CERS5: variants seen among roughly 807,000 people sequenced by gnomAD.
CERS5 encodes the protein ceramide synthase 5.
CERS5 carries 37 observed loss-of-function variants against 58.9 expected under a neutral mutation model. That is an observed-to-expected ratio of 0.63 (90% confidence interval 0.48 to 0.83). The LOEUF (loss-of-function observed/expected upper bound fraction) is 0.83, where lower values mean the gene tolerates loss of function less well. CERS5 is among the 40% of genes least tolerant of loss of function. The pLI, the probability that CERS5 is intolerant of heterozygous loss-of-function variation, is 0.00. For synonymous variants in CERS5, 147 were observed against 177.8 expected (o/e 0.83, Z 1.38); for missense variants, 398 against 489.3 (o/e 0.81, Z 1.76).
intron 8 of CERS5, among the ~76,000 whole-genome samples, chr12:50,134,986 A>C (rs1315819959): frequency 6.6e-6 from 1 of 151,978 alleles, no homozygotes; most frequent in Non-Finnish European, 1.5e-5. Flanking sequence ...TTAGGACAGC[A>C]GTGGGACTCT....
chr12:50,133,016 T>G, intron 9 of CERS5: 10 of 1,287,640 alleles, frequency 7.8e-6, no homozygotes, highest in Non-Finnish European at 1.0e-5. Flanking sequence ...AGGAAGGAGG[T>G]GAGGAAAGAG....
intron 4 of CERS5, among the ~76,000 whole-genome samples, chr12:50,140,677 T>C (rs1951925055): frequency 6.6e-6 from 1 of 152,168 alleles, no homozygotes; most frequent in Admixed American, 6.6e-5. Flanking sequence ...ATTTCAATAT[T>C]TTGAAATTTA....
chr12:50,147,963 A>G (rs1952388649), intron 1 of CERS5, among the ~76,000 whole-genome samples: 1 of 151,806 alleles, frequency 6.6e-6, no homozygotes. Flanking sequence ...TTTTTTTTGT[A>G]GAGACAGGGT....
chr12:50,149,889 T>C (rs1418513360), intron 1 of CERS5, among the ~76,000 whole-genome samples: 1 of 152,106 alleles, frequency 6.6e-6, no homozygotes, highest in Non-Finnish European at 1.5e-5. Context: ...ACTACAGGCG[T>C]GCACCACCAT....
intron 1 of CERS5, among the ~76,000 whole-genome samples, chr12:50,145,737 C>G (rs988025177): frequency 6.6e-6 from 1 of 152,104 alleles, no homozygotes; most frequent in African/African-American, 2.4e-5. Context: ...TACTGGTATA[C>G]TATTCTGTAT....
intron 1 of CERS5, among the ~76,000 whole-genome samples, chr12:50,149,204 A>T (rs994612815): frequency 6.6e-6 from 1 of 152,006 alleles, no homozygotes; most frequent in African/African-American, 2.4e-5. Context: ...CTTCTCCAGG[A>T]TCAATCCACA....
chr12:50,162,156 A>G (rs10783339), intron 1 of CERS5, among the ~76,000 whole-genome samples: 52,950 of 148,606 alleles, frequency 0.36, 10,461 homozygotes, highest in East Asian at 0.76. Context: ...GATTACAGGC[A>G]TGAGCCACCA....
At chr12:50,156,366 T>C (rs1938622670) in intron 1 of CERS5, among the ~76,000 whole-genome samples, 2 of 143,892 alleles carry the variant, frequency 1.4e-5, no homozygotes, top group Admixed American at 1.4e-4. Context: ...ATCACGCCAC[T>C]GCACTCCAGC....
chr12:50,161,505 G>A (rs1269000797), intron 1 of CERS5, among the ~76,000 whole-genome samples: 2 of 152,044 alleles, frequency 1.3e-5, no homozygotes, highest in Non-Finnish European at 2.9e-5. Context: ...GGCCAGATGC[G>A]GTGGCTCACG....
At chr12:50,158,916 T>A (rs1254653662) in intron 1 of CERS5, among the ~76,000 whole-genome samples, 1 of 152,120 alleles carries the variant, frequency 6.6e-6, no homozygotes, top group Non-Finnish European at 1.5e-5. Context: ...CAGTTCTGCA[T>A]GGACATTTAC....
chr12:50,152,011 T>G (rs1380331856), intron 1 of CERS5, among the ~76,000 whole-genome samples: 1 of 152,164 alleles, frequency 6.6e-6, no homozygotes, highest in Non-Finnish European at 1.5e-5. Context: ...TTGCAGTTTA[T>G]TTTTCCTCTG....
rs991598356 is a variant in CERS5 at position 50,137,656 on chromosome 12, A to T, written c.636+72T>A. The T allele has an allele frequency of 9.8e-6, 8 of 819,636 alleles. No individual in the cohort carries two copies. The African/African-American group carries it at 1.4e-4, about 14-fold the overall frequency. The allele number at this position is 819,636 out of a possible 1,614,324, so 50.8% of individuals were successfully genotyped here. ...AGTCTCAGGGAAGATAATACATCGT[A>T]ATGGCAGTCATGGAAGCTGCTAGAA... On this transcript the variant is annotated intron_variant, in intron 6 of 9. Coordinates refer to ENST00000317551, the MANE Select transcript of CERS5 (RefSeq NM_147190.5).
intron 1 of CERS5, among the ~76,000 whole-genome samples, chr12:50,146,840 C>A (rs1300152671): frequency 1.7e-5 from 2 of 116,714 alleles, no homozygotes; most frequent in Non-Finnish European, 3.4e-5. Context: ...AAGTGAGACT[C>A]CGTCTCAAAA....
chr12:50,149,024 C>T (rs1937639484), intron 1 of CERS5, among the ~76,000 whole-genome samples: 1 of 145,038 alleles, frequency 6.9e-6, no homozygotes, highest in Admixed American at 7.0e-5. Context: ...GTACATTTTC[C>T]CCATTTTTTT....
At chr12:50,133,748 T>C (rs1458589980) in intron 9 of CERS5, 2 of 985,442 alleles carry the variant, frequency 2.0e-6, no homozygotes, top group East Asian at 1.1e-4. Context: ...AAGGTAGAAC[T>C]TTCCTCTTGC....
chr12:50,154,849 T>C (rs1278998930), intron 1 of CERS5, among the ~76,000 whole-genome samples: 1 of 151,964 alleles, frequency 6.6e-6, no homozygotes, highest in African/African-American at 2.4e-5. Context: ...TTTTAATGAA[T>C]TAATAAGCAT....
rs567106870 is a variant in CERS5, at chr12:50,131,467, G to A, written c.1030-773C>T. ...CCAGCTACTCAGGAGGCTGAGGCAG[G>A]AGAATCTCTTGAACCCCGGAGGTGG... On this transcript the variant is annotated intron_variant, in intron 9 of 9. Transcript: ENST00000317551. Among the ~76,000 whole-genome samples, 183 of 150,192 alleles carry A rather than the reference G, an allele frequency of 1.2e-3. 1 individual carries two copies. Among genetic ancestry groups the A allele is most frequent in the African/African-American group, 4.4e-3 (180 of 40,932 alleles).
intron 1 of CERS5, chr12:50,153,961 A>G (rs542715060): frequency 3.0e-6 from 1 of 333,912 alleles, no homozygotes; most frequent in Non-Finnish European, 6.0e-6. Context: ...CCTCAAAACA[A>G]CAACAACAAA....
intron 9 of CERS5, 180 bp downstream of exon 9, chr12:50,134,366 C>A: frequency 6.6e-7 from 1 of 1,515,246 alleles, no homozygotes; most frequent in East Asian, 2.4e-5. Context: ...AGAGCAAGAC[C>A]TTGTCTCTAA....
Sources: gnomAD v4.1 joint callset for allele counts (sites outside exome capture counted in the v4.1 genomes callset) on GRCh38, gnomAD v4.1.1 for gene constraint, MANE v1.5 for transcripts, NCBI Gene and HGNC (gene_info 2026-07-23, HGNC 2026-07-21) for gene names.